STK26: variants seen among roughly 807,000 people sequenced by gnomAD.
The protein encoded by STK26 is serine/threonine-protein kinase 26.
Under a neutral mutation model 34.7 loss-of-function variants are expected in STK26, and 14 were observed. The ratio of observed to expected loss-of-function variants is 0.40; its 90% CI spans 0.27 to 0.63. The LOEUF is 0.63. STK26 is among the 30% of genes least tolerant of loss of function. The pLI is 0.38. For synonymous variants in STK26, 100 were observed against 109.8 expected (o/e 0.91, Z 0.56); for missense variants, 226 against 309.1 (o/e 0.73, Z 2.02).
intron 2 of STK26, among the ~76,000 whole-genome samples, chrX:132,031,464 A>G (rs1350866557): frequency 3.6e-5 from 4 of 112,187 alleles, no homozygotes; most frequent in African/African-American, 6.5e-5. Context: ...TAGTTCACCA[A>G]TCTGTCCACA....
chrX:132,042,317 A>G (rs999931320), intron 2 of STK26, among the ~76,000 whole-genome samples: 7 of 111,315 alleles, frequency 6.3e-5, no homozygotes, highest in Non-Finnish European at 1.1e-4. Context: ...CCCCAAAATG[A>G]GTGGTATTCC....
chrX:132,033,984 G>A (rs1450248409), intron 2 of STK26, among the ~76,000 whole-genome samples: 1 of 109,227 alleles, frequency 9.2e-6, no homozygotes, highest in East Asian at 2.8e-4. Context: ...TTCGTGTTTT[G>A]CTACTCCACT....
Position 132,055,929 on chromosome X carries a change from G to A in STK26, c.273+1068G>A, listed in dbSNP as rs1198465588. Among the ~76,000 whole-genome samples, 7 of 112,109 alleles carry A rather than the reference G, an allele frequency of 6.2e-5. 1 individual carries two copies. On this transcript the variant is annotated intron_variant, in intron 3 of 11. Transcript: ENST00000394334. Reference sequence around the variant, plus strand: ...ACAGATTCTTTCTTCTGTTTGATCAGTTCTGCTATTGACACTTTATTGTAT... The same window carrying A: ...ACAGATTCTTTCTTCTGTTTGATCAATTCTGCTATTGACACTTTATTGTAT...
intron 4 of STK26, among the ~76,000 whole-genome samples, chrX:132,067,604 A>G (rs1927263288): frequency 8.9e-6 from 1 of 111,760 alleles, no homozygotes; most frequent in Non-Finnish European, 1.9e-5. Context: ...GAAAAACATT[A>G]TCCCTCCATG....
chrX:132,029,468 G>C (rs1925744421), intron 2 of STK26, among the ~76,000 whole-genome samples: 1 of 110,290 alleles, frequency 9.1e-6, no homozygotes, highest in Non-Finnish European at 1.9e-5. Context: ...AACAATGCTT[G>C]GCTAATCACA....
rs1330630371 is a variant in STK26, at chrX:132,074,243, A to G, written c.*84A>G. ...CAAGATTAACAATGCTTAACCCATG[A>G]GCTCCATGTGCCTTTTGGATCTTTG... On this transcript the variant is annotated 3_prime_UTR_variant, in exon 12 of 12. Coordinates refer to ENST00000394334, the MANE Select transcript of STK26 (RefSeq NM_016542.4). 1.0e-6 allele frequency: 1 copy of G among 964,044 alleles called. No individual in the cohort carries two copies. The highest frequency in any genetic ancestry group is 3.2e-5 in the East Asian group (1 of 31,287). 79.4% of individuals were successfully genotyped at this position (964,044 alleles called of 1,213,427 possible). A position where few individuals can be genotyped will look rare whatever the true frequency, so the allele number is the denominator to read the frequency against.
At chrX:132,030,184 A>C (rs1925778711) in intron 2 of STK26, among the ~76,000 whole-genome samples, 1 of 111,992 alleles carries the variant, frequency 8.9e-6, no homozygotes, top group Non-Finnish European at 1.9e-5. Flanking sequence ...GTAACTAATC[A>C]TCTGTCCACA....
intron 3 of STK26, among the ~76,000 whole-genome samples, chrX:132,059,354 A>G (rs1279310046): frequency 8.9e-6 from 1 of 112,317 alleles, no homozygotes; most frequent in African/African-American, 3.2e-5. Context: ...TTGAGAGAAA[A>G]TTATATGTTC....
Position 132,069,478 on chromosome X carries a change from G to T in STK26, c.598G>T (p.Ala200Ser). Residue 200 changes from alanine to serine, a missense_variant and splice_region_variant, in exon 7 of 12, where the codon GCT (alanine) becomes TCT (serine). This residue lies in a region of STK26 where 100 missense variants were observed against 176.7 expected (regional missense o/e 0.57). Coordinates refer to ENST00000394334, the MANE Select transcript of STK26 (RefSeq NM_016542.4). ...VIQQSAYDSK[A>S]DIWSLGITAI... ...TATTTTCTTTTTCCTTTTACGTTAG[G>T]CTGACATTTGGTCATTGGGAATTAC... 1.1e-6 allele frequency: 1 copy of T among 937,259 alleles called. No individual in the cohort carries two copies. Among genetic ancestry groups the T allele is most frequent in the Non-Finnish European group, 1.4e-6 (1 of 740,467 alleles). 77.2% of individuals were successfully genotyped at this position (937,259 alleles called of 1,213,427 possible).
chrX:132,042,593 T>C (rs1310712492), intron 2 of STK26, among the ~76,000 whole-genome samples: 1 of 111,597 alleles, frequency 9.0e-6, no homozygotes, highest in Non-Finnish European at 1.9e-5. Context: ...CCAAATCTTT[T>C]AAAGAATTAG....
At chrX:132,051,828 G>A (rs1166494023) in intron 2 of STK26, among the ~76,000 whole-genome samples, 5 of 109,430 alleles carry the variant, frequency 4.6e-5, no homozygotes, top group African/African-American at 1.7e-4. Context: ...TCCCACTTAT[G>A]AGTGAGAACA....
At chrX:132,044,740 GATCTATATATATATTTATATATAT>G (rs1569330158) in intron 2 of STK26, among the ~76,000 whole-genome samples, 697 of 66,176 alleles carry the variant, frequency 0.011, 36 homozygotes, top group Non-Finnish European at 0.016. Context: ...TATATAGAGA[GATCTATATATATATTTATATATAT>G]ATAGAGAGAT....
chrX:132,033,087 A>G (rs369021081), intron 2 of STK26, among the ~76,000 whole-genome samples: 1 of 111,442 alleles, frequency 9.0e-6, no homozygotes, highest in African/African-American at 3.3e-5. Context: ...TTGATGCACT[A>G]TAGTATAAAT....
At chrX:132,035,703 T>A (rs970421323) in intron 2 of STK26, among the ~76,000 whole-genome samples, 1 of 108,883 alleles carries the variant, frequency 9.2e-6, no homozygotes, top group South Asian at 4.0e-4. Flanking sequence ...TAAAGTGATA[T>A]AAATGGCAGT....
intron 2 of STK26, among the ~76,000 whole-genome samples, chrX:132,039,131 C>G (rs10521774): frequency 0.079 from 8,804 of 110,777 alleles, 281 homozygotes; most frequent in Middle Eastern, 0.1. Flanking sequence ...CTGGGTCAAT[C>G]TGTATAACTA....
At chrX:132,060,128 A>G (rs946730307) in intron 3 of STK26, among the ~76,000 whole-genome samples, 2 of 112,055 alleles carry the variant, frequency 1.8e-5, no homozygotes, top group Non-Finnish European at 3.8e-5. Context: ...CTTCTTTTGC[A>G]TATTGTGGTT....
intron 2 of STK26, among the ~76,000 whole-genome samples, chrX:132,048,995 T>C (rs1009228437): frequency 7.2e-5 from 8 of 110,816 alleles, no homozygotes; most frequent in African/African-American, 2.3e-4. Context: ...TTGTTTTGTT[T>C]TGAGAAAGGC....
chrX:132,064,665 G>A (rs1232391174), intron 4 of STK26, among the ~76,000 whole-genome samples: 1 of 111,569 alleles, frequency 9.0e-6, no homozygotes, highest in Non-Finnish European at 1.9e-5. Context: ...CTTCCTGGAC[G>A]TAGGTGTTCT....
At chrX:132,034,819 T>TG (rs1925985782) in intron 2 of STK26, among the ~76,000 whole-genome samples, 1 of 110,585 alleles carries the variant, frequency 9.0e-6, no homozygotes, top group African/African-American at 3.3e-5. Context: ...GGGAAGCACC[T>TG]GGGGGGCTTG....
Sources: gnomAD v4.1 joint callset for allele counts (sites outside exome capture counted in the v4.1 genomes callset) on GRCh38, gnomAD v4.1.1 for gene constraint, gnomAD v4.1.1 regional missense constraint, MANE v1.5 for transcripts, NCBI Gene and HGNC (gene_info 2026-07-23, HGNC 2026-07-21) for gene names.